The following EYS variants were observed in gnomAD, a reference collection of about 807,000 sequenced individuals.
The protein encoded by EYS is EGF-like photoreceptor maintenance factor.
EYS carries 250 observed loss-of-function variants against 282.1 expected under a neutral mutation model. The observed-to-expected ratio is 0.89, with a 90% CI of 0.80 to 0.98. The LOEUF (loss-of-function observed/expected upper bound fraction) is 0.98. EYS is among the 50% of genes least tolerant of loss of function. EYS has a pLI of 0.00. For synonymous variants in EYS, 1,355 were observed against 1,282.9 expected (o/e 1.06, Z -1.20); for missense variants, 4,016 against 3,709.0 (o/e 1.08, Z -2.15).
rs1767686555 is a variant in EYS at position 65,263,983 on chromosome 6, A to C, written c.2023+31880T>G. Among the ~76,000 whole-genome samples, 3 of 152,112 alleles carry C rather than the reference A, an allele frequency of 2.0e-5. No homozygotes were observed. In the South Asian group the frequency reaches 6.2e-4, roughly 31 times the overall value. ...GAGAATAGGAAAAAAGCCAGTCATG[A>C]TGGTTAATAGTGGAGGAAGACAGTA... On this transcript the variant is annotated intron_variant, in intron 12 of 42. Transcript: ENST00000503581.
At chr6:63,791,882 T>C (rs1471129115) in intron 37 of EYS, among the ~76,000 whole-genome samples, 1 of 152,092 alleles carries the variant, frequency 6.6e-6, no homozygotes, top group Non-Finnish European at 1.5e-5. Context: ...GAGGAAATGA[T>C]ACTGAAATAC....
At chr6:65,188,520 T>A (rs1019193321) in intron 12 of EYS, among the ~76,000 whole-genome samples, 1 of 151,576 alleles carries the variant, frequency 6.6e-6, no homozygotes, top group Admixed American at 6.6e-5. Context: ...GTCAGAATAA[T>A]CACCTCCAAA....
chr6:64,826,122 T>C (rs1330599415), intron 19 of EYS, among the ~76,000 whole-genome samples: 1 of 151,872 alleles, frequency 6.6e-6, no homozygotes, highest in Non-Finnish European at 1.5e-5. Context: ...ATTTATCTAA[T>C]GCATATTTAT....
intron 31 of EYS, among the ~76,000 whole-genome samples, chr6:64,202,239 C>A (rs1562251224): frequency 1.3e-5 from 2 of 152,288 alleles, no homozygotes; most frequent in East Asian, 3.9e-4. Flanking sequence ...TCAGATCAAT[C>A]CCTGGAGAGG....
intron 22 of EYS, among the ~76,000 whole-genome samples, chr6:64,626,527 C>T (rs6940300): frequency 0.022 from 3,343 of 152,012 alleles, 135 homozygotes; most frequent in African/African-American, 0.076. Flanking sequence ...TCGGTGGGCT[C>T]TAAATCCAGT....
chr6:64,474,111 T>G (rs1434134105), intron 26 of EYS, among the ~76,000 whole-genome samples: 1 of 152,170 alleles, frequency 6.6e-6, no homozygotes, highest in African/African-American at 2.4e-5. Context: ...GGTAAATATC[T>G]TATTTCTAAC....
chr6:64,688,570 T>A (rs1770247490), intron 22 of EYS, among the ~76,000 whole-genome samples: 1 of 152,210 alleles, frequency 6.6e-6, no homozygotes, highest in South Asian at 2.1e-4. Flanking sequence ...CTAGTTTGAT[T>A]GCACTGTGGT....
intron 19 of EYS, among the ~76,000 whole-genome samples, chr6:64,849,918 T>A (rs1765831030): frequency 6.6e-6 from 1 of 151,216 alleles, no homozygotes; most frequent in South Asian, 2.1e-4. Context: ...GCCCCTTTTT[T>A]ATATAATAAT....
intron 12 of EYS, among the ~76,000 whole-genome samples, chr6:65,292,153 T>C (rs1358831942): frequency 6.6e-6 from 1 of 151,708 alleles, no homozygotes; most frequent in Non-Finnish European, 1.5e-5. Context: ...GCAACGGGCT[T>C]ATATAATATC....
chr6:65,689,035 A>G (rs1769137752), intron 1 of EYS, among the ~76,000 whole-genome samples: 1 of 150,554 alleles, frequency 6.6e-6, no homozygotes, highest in African/African-American at 2.4e-5. Flanking sequence ...TATATACCCA[A>G]AGGATTATAA....
chr6:65,091,291 A>C (rs889908753), intron 12 of EYS, among the ~76,000 whole-genome samples: 2 of 149,652 alleles, frequency 1.3e-5, no homozygotes, highest in Non-Finnish European at 3.0e-5. Context: ...AAAAAAAAAA[A>C]AAAAACAGAT....
At chr6:65,683,757 T>G (rs1369648136) in intron 1 of EYS, among the ~76,000 whole-genome samples, 1 of 151,990 alleles carries the variant, frequency 6.6e-6, no homozygotes, top group Non-Finnish European at 1.5e-5. Context: ...AGCAGCAGAT[T>G]CATATTTTCT....
At chr6:64,797,371 AG>A (rs1774387459) in intron 22 of EYS, among the ~76,000 whole-genome samples, 1 of 152,100 alleles carries the variant, frequency 6.6e-6, no homozygotes, top group Non-Finnish European at 1.5e-5. Context: ...TATTGTTAAC[AG>A]ACACTTTATG....
intron 14 of EYS, among the ~76,000 whole-genome samples, chr6:64,982,010 G>A (rs1770686407): frequency 6.6e-6 from 1 of 151,366 alleles, no homozygotes; most frequent in Admixed American, 6.6e-5. Context: ...ATAAGACCAG[G>A]CCACAATAGT....
intron 31 of EYS, among the ~76,000 whole-genome samples, chr6:64,173,004 A>G (rs1019212465): frequency 3.0e-4 from 46 of 152,138 alleles, no homozygotes; most frequent in African/African-American, 1.0e-3. Flanking sequence ...TCAAGAGACC[A>G]ACGCTGAATA....
intron 31 of EYS, among the ~76,000 whole-genome samples, chr6:64,097,030 T>A (rs1772645569): frequency 6.6e-6 from 1 of 152,296 alleles, no homozygotes; most frequent in Non-Finnish European, 1.5e-5. Context: ...CAGACCCTTT[T>A]TGCCTGGGTA....
At chr6:64,138,199 G>T (rs375478007) in intron 31 of EYS, among the ~76,000 whole-genome samples, 1 of 152,182 alleles carries the variant, frequency 6.6e-6, no homozygotes, top group Non-Finnish European at 1.5e-5. Context: ...GCTGTAAGTC[G>T]TAGACGAGGA....
At chr6:63,814,674 C>G (rs1771132960) in intron 36 of EYS, among the ~76,000 whole-genome samples, 1 of 152,064 alleles carries the variant, frequency 6.6e-6, no homozygotes, top group Non-Finnish European at 1.5e-5. Flanking sequence ...AAATTAGTGC[C>G]ATCTTCTGGC....
intron 7 of EYS, among the ~76,000 whole-genome samples, chr6:65,393,619 G>C (rs772532090): frequency 6.6e-6 from 1 of 151,988 alleles, no homozygotes; most frequent in Non-Finnish European, 1.5e-5. Flanking sequence ...TGCATACTTA[G>C]TTAGTTATAT....
Sources: allele counts gnomAD v4.1 joint callset (sites outside exome capture counted in the v4.1 genomes callset), GRCh38; gene constraint gnomAD v4.1.1; transcripts MANE v1.5; gene names NCBI Gene and HGNC (gene_info 2026-07-23, HGNC 2026-07-21).